The following MYO16 variants were observed in gnomAD, a reference collection of about 807,000 sequenced individuals.
The protein encoded by MYO16 is unconventional myosin-XVI.
In MYO16, 94 loss-of-function variants were observed where a neutral mutation model predicts 205.3. The observed-to-expected ratio is 0.46, with a 90% confidence interval of 0.39 to 0.54. The LOEUF (loss-of-function observed/expected upper bound fraction) is 0.54, where lower values mean the gene tolerates loss of function less well. MYO16 is among the 20% of genes least tolerant of loss of function. The probability of loss-of-function intolerance (pLI) is 0.00; values close to 1 mark genes in which losing one functional copy is unlikely to be tolerated. For missense variants in MYO16, 2,315 were observed against 2,387.5 expected (o/e 0.97, Z 0.63); for synonymous variants, 988 against 954.0 (o/e 1.04, Z -0.66).
chr13:109,054,899 C>G (rs1887361710), intron 25 of MYO16, 147 bp from the exon 26 acceptor site: 8 of 519,802 alleles, frequency 1.5e-5, no homozygotes, highest in South Asian at 1.2e-4. Flanking sequence ...TTCCTTTCTT[C>G]CTCCTTCTTT....
intron 1 of MYO16, among the ~76,000 whole-genome samples, chr13:108,653,773 G>A (rs1881117363): frequency 6.7e-6 from 1 of 150,140 alleles, no homozygotes; most frequent in Non-Finnish European, 1.5e-5. Context: ...ACACACACAT[G>A]CATATATATA....
At chr13:108,985,203 C>T (rs184643747) in intron 20 of MYO16, among the ~76,000 whole-genome samples, 38 of 152,236 alleles carry the variant, frequency 2.5e-4, no homozygotes, top group Non-Finnish European at 3.8e-4. Context: ...ACAAACCACA[C>T]GTAGTGGACA....
intron 7 of MYO16, among the ~76,000 whole-genome samples, chr13:108,815,582 A>G (rs973532974): frequency 1.1e-4 from 17 of 152,196 alleles, no homozygotes; most frequent in African/African-American, 4.1e-4. Context: ...CCAGAAAGGA[A>G]CATGTAACCA....
Position 109,192,574 on chromosome 13 carries a change from G to A in MYO16, c.5415+12941G>A, listed in dbSNP as rs79220612. Among the ~76,000 whole-genome samples, 574 of 152,228 alleles carry A rather than the reference G, an allele frequency of 3.8e-3. 2 individuals are homozygous for A. The highest frequency in any genetic ancestry group is 5.4e-3 in the Non-Finnish European group (366 of 68,010). On this transcript the variant is annotated intron_variant, in intron 34 of 34. Coordinates refer to ENST00000457511, the MANE Select transcript of MYO16 (RefSeq NM_001198950.3). ...TGTGTCCCAGTATCCCTTGTGGTTA[G>A]GGGTAGTCATCTGACTGAAACTAGC...
intron 2 of MYO16, among the ~76,000 whole-genome samples, chr13:108,674,459 T>A (rs1481072247): frequency 6.6e-6 from 1 of 152,228 alleles, no homozygotes; most frequent in East Asian, 1.9e-4. Flanking sequence ...CCATCTGGGC[T>A]GGCACTGTTT....
At chr13:108,651,311 G>C (rs1489535089) in intron 1 of MYO16, among the ~76,000 whole-genome samples, 2 of 152,116 alleles carry the variant, frequency 1.3e-5, no homozygotes, top group Non-Finnish European at 2.9e-5. Flanking sequence ...GGGTCTACTG[G>C]GATAATGAAG....
intron 1 of MYO16, among the ~76,000 whole-genome samples, chr13:108,607,735 C>G (rs932811465): frequency 1.3e-5 from 2 of 152,196 alleles, no homozygotes; most frequent in South Asian, 4.2e-4. Context: ...AATGGAACCC[C>G]GACACCTCCA....
chr13:109,191,468 A>G (rs1879914133), intron 34 of MYO16, among the ~76,000 whole-genome samples: 1 of 152,148 alleles, frequency 6.6e-6, no homozygotes, highest in African/African-American at 2.4e-5. Flanking sequence ...CAGGGTTGGG[A>G]GGGTCAGACT....
chr13:108,712,420 A>C (rs1361925861), intron 2 of MYO16, among the ~76,000 whole-genome samples: 1 of 152,254 alleles, frequency 6.6e-6, no homozygotes, highest in East Asian at 1.9e-4. Flanking sequence ...AATCTGTTTC[A>C]CTTTCTCATT....
intron 12 of MYO16, among the ~76,000 whole-genome samples, chr13:108,873,223 G>GA (rs1036234060): frequency 6.6e-6 from 1 of 151,664 alleles, no homozygotes; most frequent in Admixed American, 6.6e-5. Context: ...TACTTTACAA[G>GA]AAAAAAATAA....
At chr13:108,873,532 A>C (rs1472045787) in intron 12 of MYO16, among the ~76,000 whole-genome samples, 2 of 152,226 alleles carry the variant, frequency 1.3e-5, no homozygotes, top group African/African-American at 2.4e-5. Context: ...TGACACTAAC[A>C]ACCACCACTG....
intron 1 of MYO16, 22 bp from the exon 2 acceptor site, chr13:108,665,864 G>T (rs55718090): frequency 1.1e-5 from 17 of 1,606,808 alleles, no homozygotes; most frequent in Non-Finnish European, 9.4e-6. Context: ...GTCTGGTGAC[G>T]CTCCCCTTGC....
At chr13:109,098,395 C>T (rs188635376) in intron 27 of MYO16, among the ~76,000 whole-genome samples, 18 of 152,330 alleles carry the variant, frequency 1.2e-4, no homozygotes, top group Admixed American at 2.0e-4. Flanking sequence ...CATCCCGCCA[C>T]TTGCAGAAGC....
chr13:108,709,880 C>T (rs1883654554), intron 2 of MYO16, among the ~76,000 whole-genome samples: 1 of 134,378 alleles, frequency 7.4e-6, no homozygotes, highest in Non-Finnish European at 1.6e-5. Flanking sequence ...GTCTGTGGTT[C>T]TAATATGGTT....
At chr13:108,502,211 T>G in the MYO16 span, among the ~76,000 whole-genome samples, 1 of 151,842 alleles carries the variant, frequency 6.6e-6, no homozygotes, top group Admixed American at 6.6e-5. Flanking sequence ...AGACTCCATC[T>G]CAAAAAACAA....
chr13:108,729,394 A>G (rs890641495), intron 4 of MYO16, among the ~76,000 whole-genome samples: 3 of 152,250 alleles, frequency 2.0e-5, no homozygotes, highest in Non-Finnish European at 2.9e-5. Flanking sequence ...AACTACGTTC[A>G]TAGTAGTTGT....
At chr13:108,598,849 CT>C (rs5806742) in intron 1 of MYO16, among the ~76,000 whole-genome samples, 42,539 of 149,518 alleles carry the variant, frequency 0.28, 6,094 homozygotes, top group Middle Eastern at 0.34. Flanking sequence ...TTCTTTTTTT[CT>C]TTTTTTTTTA....
At chr13:108,566,491 G>A in the MYO16 span, among the ~76,000 whole-genome samples, 1 of 151,044 alleles carries the variant, frequency 6.6e-6, no homozygotes, top group Non-Finnish European at 1.5e-5. Flanking sequence ...TTTTAGCCAG[G>A]CATGGTGGTG....
intron 16 of MYO16, among the ~76,000 whole-genome samples, chr13:108,927,413 C>T (rs1200576866): frequency 6.6e-6 from 1 of 152,104 alleles, no homozygotes; most frequent in Non-Finnish European, 1.5e-5. Flanking sequence ...GGGCCTGGGG[C>T]ATGAGCCAGG....
Sources: gnomAD v4.1 joint callset for allele counts (sites outside exome capture counted in the v4.1 genomes callset) on GRCh38, gnomAD v4.1.1 for gene constraint, MANE v1.5 for transcripts, NCBI Gene and HGNC (gene_info 2026-07-23, HGNC 2026-07-21) for gene names.